Variants in YIPF1 observed in about 807,000 individuals in gnomAD.
YIPF1 encodes the protein protein YIPF1.
A neutral mutation model predicts 37.0 loss-of-function variants in YIPF1; 22 were observed. The observed-to-expected ratio is 0.59, with a 90% CI of 0.42 to 0.85. The LOEUF is 0.85. Among genes scored for constraint, YIPF1 ranks in the 40% least tolerant of loss-of-function variants. The probability of loss-of-function intolerance (pLI) is 0.00; values close to 1 mark genes in which losing one functional copy is unlikely to be tolerated. For synonymous variants in YIPF1, 128 were observed against 131.9 expected, an observed-to-expected ratio of 0.97 and a Z score of 0.21; for missense variants, 355 against 373.1, an observed-to-expected ratio of 0.95 and a Z score of 0.40.
In YIPF1 at chr1:53,866,364, G is replaced by A. The variant is rs779865288; in HGVS notation, c.667C>T (p.Gln223Ter). 3.1e-6 allele frequency: 5 copies of A among 1,613,878 alleles called. No individual in the cohort carries two copies. Among genetic ancestry groups the A allele is most frequent in the South Asian group, 2.2e-5 (2 of 91,040 alleles). The change falls in exon 9 of 11, where the codon CAG becomes TAG. Residue 223 changes from glutamine (Q) to a stop codon, truncating the protein, a stop_gained. Coordinates refer to ENST00000072644, the MANE Select transcript of YIPF1 (RefSeq NM_018982.5). LOFTEE classifies it high-confidence loss of function. ...IPTAILWIIP[Q>*]KAVRWILVMI... ...ACTAGAATCCAACGAACAGCTTTCT[G>A]GGGGATAATCCACAGTATCTGAAAG...
intron 4 of YIPF1, among the ~76,000 whole-genome samples, chr1:53,881,700 CAAG>C (rs1650506516): frequency 6.6e-6 from 1 of 152,086 alleles, no homozygotes; most frequent in Admixed American, 6.5e-5. Context: ...ATTAAAAAGT[CAAG>C]AAACAACAGA....
chr1:53,878,051 G>A (rs1016719683), intron 6 of YIPF1, among the ~76,000 whole-genome samples: 3 of 152,170 alleles, frequency 2.0e-5, no homozygotes, highest in Non-Finnish European at 2.9e-5. Flanking sequence ...CAAAGTGCTG[G>A]GATTATAGGC....
chr1:53,860,582 A>G (rs192346505), intron 9 of YIPF1, among the ~76,000 whole-genome samples: 3 of 152,336 alleles, frequency 2.0e-5, no homozygotes, highest in Non-Finnish European at 4.4e-5. Context: ...TCCAGGGCAA[A>G]GACTTCTTCA....
At chr1:53,887,778 G>A (rs187679879) in intron 3 of YIPF1, among the ~76,000 whole-genome samples, 18 of 152,294 alleles carry the variant, frequency 1.2e-4, no homozygotes, top group Admixed American at 9.8e-4. Context: ...TACTAACTGC[G>A]TGACCATTAG....
intron 6 of YIPF1, among the ~76,000 whole-genome samples, chr1:53,876,062 T>C (rs1370418490): frequency 1.3e-5 from 2 of 152,060 alleles, no homozygotes; most frequent in Admixed American, 6.5e-5. Flanking sequence ...ATGAATTGAA[T>C]GAATAAATGA....
chr1:53,857,987 A>G (rs1649766342), intron 10 of YIPF1, among the ~76,000 whole-genome samples: 1 of 151,770 alleles, frequency 6.6e-6, no homozygotes, highest in Non-Finnish European at 1.5e-5. Context: ...CCTCAAAAAA[A>G]AAAAAAAAAA....
chr1:53,880,629 G>C (rs930448260), intron 4 of YIPF1, among the ~76,000 whole-genome samples: 2 of 152,152 alleles, frequency 1.3e-5, no homozygotes, highest in Non-Finnish European at 2.9e-5. Flanking sequence ...AAAGAACAAA[G>C]CTGGAGGCAT....
chr1:53,867,367 C>CTTT (rs57424528), intron 7 of YIPF1, among the ~76,000 whole-genome samples: 113 of 111,586 alleles, frequency 1.0e-3, no homozygotes, highest in African/African-American at 1.5e-3. Flanking sequence ...CACTGACTTC[C>CTTT]TTTTTTTTTT....
chr1:53,878,240 T>C (rs1174340619), intron 6 of YIPF1, 75 bp downstream of exon 6: 1 of 1,462,244 alleles, frequency 6.8e-7, no homozygotes, highest in African/African-American at 1.4e-5. Context: ...AGTGCAGTTC[T>C]CCACATTTCC....
At chr1:53,861,573 A>G (rs992941179) in intron 9 of YIPF1, among the ~76,000 whole-genome samples, 6 of 150,538 alleles carry the variant, frequency 4.0e-5, no homozygotes, top group Non-Finnish European at 8.8e-5. Flanking sequence ...CTCAAGAGAG[A>G]GAGAGAGATT....
intron 10 of YIPF1, among the ~76,000 whole-genome samples, chr1:53,852,941 G>A (rs1481689533): frequency 6.6e-6 from 1 of 152,198 alleles, no homozygotes; most frequent in African/African-American, 2.4e-5. Flanking sequence ...GTTCAAATAT[G>A]AAATGATCGG....
chr1:53,867,193 T>C (rs967719327), intron 7 of YIPF1, among the ~76,000 whole-genome samples: 18 of 152,162 alleles, frequency 1.2e-4, no homozygotes, highest in African/African-American at 4.3e-4. Context: ...TTATAGGTCA[T>C]TTAATAACTA....
chr1:53,871,692 G>T (rs1650196513), intron 6 of YIPF1, among the ~76,000 whole-genome samples: 1 of 152,062 alleles, frequency 6.6e-6, no homozygotes. Context: ...AGAAGGTGGG[G>T]TGTTGGTACT....
intron 4 of YIPF1, among the ~76,000 whole-genome samples, chr1:53,879,767 T>G (rs12068429): frequency 0.025 from 3,809 of 152,326 alleles, 165 homozygotes; most frequent in African/African-American, 0.088. Flanking sequence ...AGCTGTGGTC[T>G]GCAGCACTCA....
At position 53,878,419 on chromosome 1, in the gene YIPF1, C is replaced by A; in HGVS notation, c.277-17G>T. 6.2e-7 allele frequency: 1 copy of A among 1,609,966 alleles called. No homozygotes were observed. On this transcript the variant is annotated splice_polypyrimidine_tract_variant and intron_variant, in intron 5 of 10. Coordinates refer to ENST00000072644, the MANE Select transcript of YIPF1 (RefSeq NM_018982.5). ...GTCAAAGACCTGGAAAACATCATAG[C>A]AGTAATTCTACTGAAGTTTTTTAAG... is the stretch of plus-strand genomic sequence containing the variant.
At chr1:53,878,257 C>G in intron 6 of YIPF1, 58 bp downstream of exon 6, 1 of 1,565,802 alleles carries the variant, frequency 6.4e-7, no homozygotes, top group Non-Finnish European at 8.8e-7. Flanking sequence ...TTCCAGGCAA[C>G]CCTCACACTC....
intron 10 of YIPF1, among the ~76,000 whole-genome samples, chr1:53,853,723 G>A (rs960662387): frequency 3.9e-5 from 6 of 152,206 alleles, no homozygotes; most frequent in Admixed American, 3.3e-4. Flanking sequence ...AAAGTGGCTG[G>A]AGAAAGCCAG....
intron 3 of YIPF1, among the ~76,000 whole-genome samples, chr1:53,888,055 G>A (rs560453389): frequency 3.3e-5 from 5 of 152,224 alleles, no homozygotes; most frequent in Non-Finnish European, 5.9e-5. Flanking sequence ...GTGAAGCCCC[G>A]TCTCTACTAA....
intron 7 of YIPF1, among the ~76,000 whole-genome samples, chr1:53,869,131 TTCTCTCTC>T (rs759374987): frequency 1.7e-3 from 242 of 139,612 alleles, no homozygotes; most frequent in African/African-American, 6.3e-3. Context: ...CATGGATACA[TTCTCTCTC>T]TCTCTCTCTC....
Sources: allele counts gnomAD v4.1 joint callset (sites outside exome capture counted in the v4.1 genomes callset), GRCh38; gene constraint gnomAD v4.1.1; transcripts MANE v1.5; gene names NCBI Gene and HGNC (gene_info 2026-07-23, HGNC 2026-07-21).